The following SP5 variants were observed in gnomAD, a reference collection of about 807,000 sequenced individuals.
The protein encoded by SP5 is transcription factor Sp5.
A neutral mutation model predicts 27.4 loss-of-function variants in SP5; 12 were observed. The ratio of observed to expected loss-of-function variants is 0.44; its 90% confidence interval spans 0.28 to 0.71. The LOEUF is 0.71. Ranked by LOEUF, SP5 falls within the 30% of genes least tolerant of loss-of-function variation. The pLI, the probability that SP5 is intolerant of heterozygous loss-of-function variation, is 0.15. For missense variants in SP5, 660 were observed against 589.8 expected (o/e 1.12, Z -1.23); for synonymous variants, 330 against 290.7 (o/e 1.14, Z -1.38).
rs769567484 is a variant in SP5, at chr2:170,716,299, C to T, written c.92C>T (p.Ser31Leu). The change falls in exon 2 of 2, where the codon TCG becomes TTG. Residue 31 changes from serine to leucine, a missense_variant. Physicochemically the swap from Ser to Leu is moderately radical, Grantham distance 145. Coordinates refer to ENST00000375281, the MANE Select transcript of SP5 (RefSeq NM_001003845.3). ...GCCTCCCCGGACCTGGGCAAGCACT[C>T]GCCCCTGGCATTGCTGGCCGCCACC... ...PSASPDLGKH[S>L]PLALLAATCS... 1.3e-6 allele frequency: 2 copies of T among 1,595,834 alleles called. No homozygotes were observed. Among genetic ancestry groups the T allele is most frequent in the Non-Finnish European group, 1.7e-6 (2 of 1,179,222 alleles).
Position 170,717,462 on chromosome 2 carries a change from G to T in SP5, c.*58G>T. On this transcript the variant is annotated 3_prime_UTR_variant, in exon 2 of 2. Transcript: ENST00000375281. ...CTCTGCGAGAGATCCGGGGACCTGT[G>T]GGCAGCTGGCGGAGGGGAGACTCAG... 6.3e-7 allele frequency: 1 copy of T among 1,584,910 alleles called. No homozygotes were observed. The highest frequency in any genetic ancestry group is 8.5e-7 in the Non-Finnish European group (1 of 1,170,868).
chr2:170,715,750 G>A (rs1241810842), intron 1 of SP5, 187 bp downstream of exon 1: 9 of 985,350 alleles, frequency 9.1e-6, no homozygotes, highest in Non-Finnish European at 1.1e-5. Flanking sequence ...GGGACGCGTG[G>A]ATCCGGGATT....
Position 170,715,548 on chromosome 2 carries a change from G to T in SP5, c.36G>T (p.Leu12=). The T allele has an allele frequency of 6.4e-7, 1 of 1,558,536 alleles. No homozygotes were observed. Among genetic ancestry groups the T allele is most frequent in the East Asian group, 2.4e-5 (1 of 41,970 alleles). Residue 12 remains leucine, a synonymous_variant, in exon 1 of 2, where the codon CTG becomes CTT. Transcript: ENST00000375281. ...AAVAVLRNDS[L]QAFLQDRTPS... ...TGGCCGTCCTCCGGAACGACTCGCTGCAGGCCTTTCTCCAGGTCAGGGCCG... is the reference window on the plus strand; with the variant it reads ...TGGCCGTCCTCCGGAACGACTCGCTTCAGGCCTTTCTCCAGGTCAGGGCCG...
chr2:170,715,907 C>T (rs1039709157), intron 1 of SP5: 3 of 1,331,628 alleles, frequency 2.3e-6, no homozygotes, highest in Non-Finnish European at 2.9e-6. Flanking sequence ...AGCGGCCGGC[C>T]GGCGGGGTTG....
chr2:170,716,379 C>T lies in SP5; in HGVS notation c.172C>T (p.Pro58Ser), dbSNP rs569319456. ...GGCGCCCCCGGACTTCCTGCAGGTG[C>T]CCTACGACCCCGCGCTGGGCTCACC... Reference protein sequence around the residue: ...AAAPPDFLQVPYDPALGSPSR... With the variant: ...AAAPPDFLQVSYDPALGSPSR... Residue 58 changes from proline to serine, a missense_variant, in exon 2 of 2, where the codon CCC becomes TCC. Transcript: ENST00000375281. The T allele has an allele frequency of 1.3e-5, 21 of 1,597,594 alleles. No individual in the cohort carries two copies. The African/African-American group carries it at 2.3e-4, about 17-fold the overall frequency.
chr2:170,716,881 C>T lies in SP5; in HGVS notation c.674C>T (p.Ser225Phe), dbSNP rs1298471160. The change falls in exon 2 of 2, where the codon TCT becomes TTT. Residue 225 changes from serine to phenylalanine, a missense_variant. Transcript: ENST00000375281. ...GAPHAPRFPA[S>F]AAAAAAAAAA... Reference sequence around the variant, plus strand: ...CCCCACGCGCCCCGCTTCCCCGCCTCTGCGGCCGCTGCTGCTGCGGCCGCC... The same window carrying T: ...CCCCACGCGCCCCGCTTCCCCGCCTTTGCGGCCGCTGCTGCTGCGGCCGCC... The T allele has an allele frequency of 6.7e-7, 1 of 1,502,600 alleles. No homozygotes were observed. Among genetic ancestry groups the T allele is most frequent in the South Asian group, 1.3e-5 (1 of 78,874 alleles). The allele number at this position is 1,502,600 out of a possible 1,614,324, so 93.1% of individuals were successfully genotyped here. A position where few individuals can be genotyped will look rare whatever the true frequency, so the allele number is the denominator to read the frequency against.
intron 1 of SP5, chr2:170,715,790 G>A (rs1470985975): frequency 2.0e-6 from 2 of 985,314 alleles, no homozygotes; most frequent in Non-Finnish European, 1.2e-6. Flanking sequence ...GCCGAGAACA[G>A]GACCGGAGCT....
Position 170,716,468 on chromosome 2 carries a change from C to T in SP5, c.261C>T (p.Pro87=), listed in dbSNP as rs746671391. The T allele has an allele frequency of 6.2e-7, 1 of 1,607,932 alleles. No individual in the cohort carries two copies. Among genetic ancestry groups the T allele is most frequent in the Admixed American group, 1.7e-5 (1 of 59,910 alleles). Reference sequence around the variant, plus strand: ...CGCACTCGCCAGGCGCACTGCCGCCCCCGCATCCCAGCTTGGGGCTGACGC... The same window carrying T: ...CGCACTCGCCAGGCGCACTGCCGCCTCCGCATCCCAGCTTGGGGCTGACGC... ...MPAHSPGALP[P]PHPSLGLTPQ... Residue 87 remains proline, a synonymous_variant, in exon 2 of 2, where the codon CCC becomes CCT. Coordinates refer to ENST00000375281, the MANE Select transcript of SP5 (RefSeq NM_001003845.3).
In SP5 at chr2:170,716,881, C is replaced by A. The variant is rs1298471160; in HGVS notation, c.674C>A (p.Ser225Tyr). 4 of 1,502,492 alleles carry A rather than the reference C, an allele frequency of 2.7e-6. No homozygotes were observed. The African/African-American group carries it at 5.9e-5, about 22-fold the overall frequency. 93.1% of individuals were successfully genotyped at this position (1,502,492 alleles called of 1,614,324 possible). A position where few individuals can be genotyped will look rare whatever the true frequency, so the allele number is the denominator to read the frequency against. ...CCCCACGCGCCCCGCTTCCCCGCCTCTGCGGCCGCTGCTGCTGCGGCCGCC... is the reference window on the plus strand; with the variant it reads ...CCCCACGCGCCCCGCTTCCCCGCCTATGCGGCCGCTGCTGCTGCGGCCGCC... ...GAPHAPRFPA[S>Y]AAAAAAAAAA... Residue 225 changes from serine (S) to tyrosine (Y), a missense_variant, in exon 2 of 2, where the codon TCT becomes TAT. Physicochemically the swap from Ser to Tyr is moderately radical, Grantham distance 144. Coordinates refer to ENST00000375281, the MANE Select transcript of SP5 (RefSeq NM_001003845.3).
In SP5 at chr2:170,716,316, G is replaced by C. The variant is rs759268599; in HGVS notation, c.109G>C (p.Ala37Pro). 6.3e-7 allele frequency: 1 copy of C among 1,595,898 alleles called. No homozygotes were observed. Among genetic ancestry groups the C allele is most frequent in the East Asian group, 2.2e-5 (1 of 44,804 alleles). ...LGKHSPLALLAATCSRIGQPG... is the reference protein window; with the variant it reads ...LGKHSPLALLPATCSRIGQPG... Reference sequence around the variant, plus strand: ...CAAGCACTCGCCCCTGGCATTGCTGGCCGCCACCTGTAGCCGCATCGGCCA... The same window carrying C: ...CAAGCACTCGCCCCTGGCATTGCTGCCCGCCACCTGTAGCCGCATCGGCCA... Residue 37 changes from alanine (A) to proline (P), a missense_variant, in exon 2 of 2, where the codon GCC (alanine) becomes CCC (proline). Transcript: ENST00000375281.
At position 170,716,605 on chromosome 2, in the gene SP5, C is replaced by G. The variant is rs1326104814; in HGVS notation, c.398C>G (p.Ser133Trp). Residue 133 changes from serine (S) to tryptophan (W), a missense_variant, in exon 2 of 2, where the codon TCG becomes TGG. Coordinates refer to ENST00000375281, the MANE Select transcript of SP5 (RefSeq NM_001003845.3). The stretch of plus-strand genomic sequence containing the variant: ...TTCTCGCCGGTCAAGATGCTGCCCT[C>G]GAGCATGGCGGCTCTGCCCGCCAGC... ...YEFSPVKMLP[S>W]SMAALPASCA... The G allele has an allele frequency of 1.9e-6, 3 of 1,609,458 alleles. No individual in the cohort carries two copies. Among genetic ancestry groups the G allele is most frequent in the Non-Finnish European group, 2.5e-6 (3 of 1,178,702 alleles).
rs761813037 is a variant in SP5 at position 170,716,412 on chromosome 2, C to G, written c.205C>G (p.Leu69Val). The G allele has an allele frequency of 3.1e-6, 5 of 1,600,106 alleles. No homozygotes were observed. In the African/African-American group the frequency reaches 4.0e-5, roughly 13 times the overall value. ...YDPALGSPSR[L>V]FHPWTADMPA... ...CCCCGCGCTGGGCTCACCCTCCAGG[C>G]TCTTCCACCCGTGGACCGCCGACAT... The change falls in exon 2 of 2, where the codon CTC becomes GTC. Residue 69 changes from leucine to valine, a missense_variant. Physicochemically the swap from Leu to Val is conservative, Grantham distance 32. Coordinates refer to ENST00000375281, the MANE Select transcript of SP5 (RefSeq NM_001003845.3).
Position 170,716,348 on chromosome 2 carries a change from C to G in SP5, c.141C>G (p.Gly47=). The change falls in exon 2 of 2, where the codon GGC becomes GGG. Residue 47 remains glycine (G), a synonymous_variant. Transcript: ENST00000375281. The stretch of plus-strand genomic sequence containing the variant: ...CCTGTAGCCGCATCGGCCAGCCGGG[C>G]GCGGCGGCGCCCCCGGACTTCCTGC... ...AATCSRIGQP[G]AAAPPDFLQV... 1.3e-6 allele frequency: 2 copies of G among 1,595,960 alleles called. No individual in the cohort carries two copies. The highest frequency in any genetic ancestry group is 1.7e-6 in the Non-Finnish European group (2 of 1,178,688).
rs1266704426 is a variant in SP5, at chr2:170,715,527, C to T, written c.15C>T (p.Ala5=). The stretch of plus-strand genomic sequence containing the variant: ...AAGCCGTAGCCATGGCCGCGGTGGC[C>T]GTCCTCCGGAACGACTCGCTGCAGG... MAAV[A]VLRNDSLQAF... Residue 5 remains alanine (A), a synonymous_variant, in exon 1 of 2, where the codon GCC becomes GCT. Transcript: ENST00000375281. 2 of 1,556,596 alleles carry T rather than the reference C, an allele frequency of 1.3e-6. No homozygotes were observed. The highest frequency in any genetic ancestry group is 2.4e-5 in the East Asian group (1 of 41,788).
At chr2:170,715,879 T>G in intron 1 of SP5, 1 of 985,314 alleles carries the variant, frequency 1.0e-6, no homozygotes, top group South Asian at 4.7e-5. Context: ...ACAAGAGAGC[T>G]TAAAAGATGG....
At chr2:170,715,614 C>T (rs377728415) in intron 1 of SP5, 51 bp downstream of exon 1, 1 of 1,531,272 alleles carries the variant, frequency 6.5e-7, no homozygotes, top group Non-Finnish European at 8.8e-7. Context: ...GGGCCGTGTC[C>T]GGATCTCTCC....
chr2:170,716,058 C>A, intron 1 of SP5: 1 of 1,395,824 alleles, frequency 7.2e-7, no homozygotes, highest in South Asian at 1.6e-5. Context: ...GCTCGCGGGC[C>A]CCACGTTCAG....
chr2:170,716,589 G>C lies in SP5; in HGVS notation c.382G>C (p.Val128Leu). The change falls in exon 2 of 2, where the codon GTC (valine) becomes CTC (leucine). Residue 128 changes from valine to leucine, a missense_variant. Physicochemically the swap from Val to Leu is conservative, Grantham distance 32. Coordinates refer to ENST00000375281, the MANE Select transcript of SP5 (RefSeq NM_001003845.3). ...CTCGTACCCCTACGAGTTCTCGCCGGTCAAGATGCTGCCCTCGAGCATGGC... is the reference window on the plus strand; with the variant it reads ...CTCGTACCCCTACGAGTTCTCGCCGCTCAAGATGCTGCCCTCGAGCATGGC... Reference protein sequence around the residue: ...DPSYPYEFSPVKMLPSSMAAL... With the variant: ...DPSYPYEFSPLKMLPSSMAAL... The C allele has an allele frequency of 2.5e-6, 4 of 1,610,232 alleles. No homozygotes were observed. Among genetic ancestry groups the C allele is most frequent in the Non-Finnish European group, 2.5e-6 (3 of 1,178,830 alleles).
In SP5 at chr2:170,716,691, C is replaced by T. The variant is rs770189539; in HGVS notation, c.484C>T (p.Leu162=). The T allele has an allele frequency of 5.2e-6, 8 of 1,547,662 alleles. No individual in the cohort carries two copies. Among genetic ancestry groups the T allele is most frequent in the Non-Finnish European group, 6.1e-6 (7 of 1,156,246 alleles). ...QAALPPGYSN[L]LPPPPPPPPP... The stretch of plus-strand genomic sequence containing the variant: ...CGCGCTGCCGCCAGGCTACTCCAAC[C>T]TGCTGCCTCCGCCGCCGCCACCGCC... The change falls in exon 2 of 2, where the codon CTG becomes TTG. Residue 162 remains leucine, a synonymous_variant. Coordinates refer to ENST00000375281, the MANE Select transcript of SP5 (RefSeq NM_001003845.3).
Sources: allele counts gnomAD v4.1 joint callset, GRCh38; gene constraint gnomAD v4.1.1; transcripts MANE v1.5; gene names NCBI Gene and HGNC (gene_info 2026-07-23, HGNC 2026-07-21).